The following KLHL20 variants were observed in gnomAD, a reference collection of about 807,000 sequenced individuals.
The protein encoded by KLHL20 is kelch like family member 20.
A neutral mutation model predicts 69.5 loss-of-function variants in KLHL20; 29 were observed. The observed-to-expected ratio is 0.42, with a 90% CI of 0.31 to 0.57. The LOEUF is 0.57. Among genes scored for constraint, KLHL20 ranks in the 20% least tolerant of loss-of-function variants. KLHL20 has a pLI of 0.18. For missense variants in KLHL20, 419 were observed against 776.0 expected (o/e 0.54, Z 5.47); for synonymous variants, 253 against 265.2 (o/e 0.95, Z 0.45).
intron 2 of KLHL20, among the ~76,000 whole-genome samples, chr1:173,724,747 G>T (rs1211383088): frequency 6.6e-6 from 1 of 152,186 alleles, no homozygotes; most frequent in African/African-American, 2.4e-5. Flanking sequence ...CGAGGCTGTA[G>T]TAAGCCGTGA....
intron 2 of KLHL20, among the ~76,000 whole-genome samples, chr1:173,721,297 C>T (rs997639821): frequency 6.6e-6 from 1 of 152,122 alleles, no homozygotes; most frequent in Non-Finnish European, 1.5e-5. Context: ...ATTTGTTCTA[C>T]TCAGTCTAAA....
intron 10 of KLHL20, among the ~76,000 whole-genome samples, chr1:173,780,996 A>G (rs968578664): frequency 7.4e-6 from 1 of 134,250 alleles, no homozygotes; most frequent in Non-Finnish European, 1.6e-5. Context: ...TGTGAGTGAG[A>G]GAGAGAGAGG....
At chr1:173,779,644 C>T (rs572936258) in intron 10 of KLHL20, among the ~76,000 whole-genome samples, 40 of 152,258 alleles carry the variant, frequency 2.6e-4, no homozygotes, top group Non-Finnish European at 5.7e-4. Flanking sequence ...AGCCACTGCA[C>T]CTGGCTTTTA....
intron 4 of KLHL20, among the ~76,000 whole-genome samples, chr1:173,752,716 A>G (rs916750387): frequency 1.3e-5 from 2 of 152,212 alleles, no homozygotes; most frequent in Non-Finnish European, 2.9e-5. Context: ...CAGCTATAGA[A>G]GAGCTTATAA....
At position 173,733,809 on chromosome 1, in the gene KLHL20, T is replaced by C. The variant is rs997085781; in HGVS notation, c.120T>C (p.Pro40=). The change falls in exon 3 of 12, where the codon CCT becomes CCC. Residue 40 remains proline, a synonymous_variant. Transcript: ENST00000209884. ...AACTGCCAGAAGGGGTTCCCCAACC[T>C]GCCCGCATGCCCTATATCTCAGACA... The part of the protein sequence containing the change: ...PNKLPEGVPQ[P]ARMPYISDKH... The C allele has an allele frequency of 6.2e-7, 1 of 1,614,028 alleles. No individual in the cohort carries two copies. Among genetic ancestry groups the C allele is most frequent in the Non-Finnish European group, 8.5e-7 (1 of 1,180,038 alleles).
At chr1:173,774,013 CAAAAAA>C (rs34034171) in intron 8 of KLHL20, among the ~76,000 whole-genome samples, 9 of 108,126 alleles carry the variant, frequency 8.3e-5, no homozygotes, top group Non-Finnish European at 1.6e-4. Flanking sequence ...GACTCCATCT[CAAAAAA>C]AAAAAAAAAA....
intron 2 of KLHL20, among the ~76,000 whole-genome samples, chr1:173,727,571 C>G (rs1161624523): frequency 6.6e-6 from 1 of 152,124 alleles, no homozygotes; most frequent in African/African-American, 2.4e-5. Context: ...ACTCTACAAG[C>G]CAGAAGACAG....
At chr1:173,769,976 G>A (rs1647985293) in intron 8 of KLHL20, among the ~76,000 whole-genome samples, 1 of 151,800 alleles carries the variant, frequency 6.6e-6, no homozygotes, top group Non-Finnish European at 1.5e-5. Flanking sequence ...AAAAGAAGGA[G>A]CTCCACAAAG....
chr1:173,760,099 T>C (rs1313682964), intron 7 of KLHL20, among the ~76,000 whole-genome samples: 1 of 152,010 alleles, frequency 6.6e-6, no homozygotes, highest in Non-Finnish European at 1.5e-5. Flanking sequence ...GTAATAGATA[T>C]GAACAAGTAG....
chr1:173,767,960 C>G (rs867681622), intron 8 of KLHL20, among the ~76,000 whole-genome samples: 39 of 152,184 alleles, frequency 2.6e-4, no homozygotes, highest in African/African-American at 8.9e-4. Flanking sequence ...TCAACTGTCA[C>G]ACTGATTGTA....
At chr1:173,743,928 T>A (rs1672946212) in intron 3 of KLHL20, among the ~76,000 whole-genome samples, 1 of 152,114 alleles carries the variant, frequency 6.6e-6, no homozygotes, top group African/African-American at 2.4e-5. Context: ...AGCATTTAGG[T>A]AGCTTTAAAT....
intron 2 of KLHL20, among the ~76,000 whole-genome samples, chr1:173,721,334 A>G (rs1290618082): frequency 1.3e-5 from 2 of 152,230 alleles, no homozygotes; most frequent in Non-Finnish European, 2.9e-5. Context: ...AGTGTAAAAC[A>G]TACTTGCTTG....
At chr1:173,777,999 T>G (rs576359075) in intron 10 of KLHL20, among the ~76,000 whole-genome samples, 1 of 152,226 alleles carries the variant, frequency 6.6e-6, no homozygotes, top group Non-Finnish European at 1.5e-5. Context: ...AATTCTTCTT[T>G]AAATATTTGA....
At chr1:173,738,439 G>C (rs1158784489) in intron 3 of KLHL20, among the ~76,000 whole-genome samples, 1 of 152,108 alleles carries the variant, frequency 6.6e-6, no homozygotes, top group Non-Finnish European at 1.5e-5. Context: ...CAAAGTGTTG[G>C]GAGTACAGGC....
intron 5 of KLHL20, among the ~76,000 whole-genome samples, chr1:173,754,462 T>C (rs143751546): frequency 2.8e-4 from 42 of 151,888 alleles, no homozygotes; most frequent in African/African-American, 8.9e-4. Flanking sequence ...TGCATGCCTG[T>C]AATCCCAGCT....
chr1:173,768,369 A>G (rs1036143825), intron 8 of KLHL20, among the ~76,000 whole-genome samples: 1 of 152,168 alleles, frequency 6.6e-6, no homozygotes, highest in African/African-American at 2.4e-5. Flanking sequence ...TCATCCTCAC[A>G]TCTTAAAAAG....
At chr1:173,744,361 A>G (rs1223277046) in intron 3 of KLHL20, among the ~76,000 whole-genome samples, 1 of 152,092 alleles carries the variant, frequency 6.6e-6, no homozygotes, top group East Asian at 1.9e-4. Flanking sequence ...TCAATTTTTT[A>G]AAGTTCTCTA....
chr1:173,742,222 G>A (rs1672838268), intron 3 of KLHL20, among the ~76,000 whole-genome samples: 1 of 152,130 alleles, frequency 6.6e-6, no homozygotes, highest in African/African-American at 2.4e-5. Context: ...TGTACACCCT[G>A]TTGGCAAGGC....
At chr1:173,754,579 A>G (rs1472893390) in intron 5 of KLHL20, among the ~76,000 whole-genome samples, 2 of 144,390 alleles carry the variant, frequency 1.4e-5, no homozygotes, top group South Asian at 2.1e-4. Context: ...AGTGAAACTC[A>G]GTCTCAAAAA....
Sources: gnomAD v4.1 joint callset for allele counts (sites outside exome capture counted in the v4.1 genomes callset) on GRCh38, gnomAD v4.1.1 for gene constraint, MANE v1.5 for transcripts, NCBI Gene and HGNC (gene_info 2026-07-23, HGNC 2026-07-21) for gene names.